Variants in UBA52 observed in about 807,000 individuals in gnomAD.
UBA52 encodes the protein ubiquitin-ribosomal protein eL40 fusion protein.
A neutral mutation model predicts 15.3 loss-of-function variants in UBA52; 1 was observed. That is an observed-to-expected ratio of 0.07 (90% CI 0.02 to 0.31). The LOEUF is 0.31. Among genes scored for constraint, UBA52 ranks in the 10% least tolerant of loss-of-function variants. The pLI is 1.00. For missense variants in UBA52, 87 were observed against 168.0 expected, an observed-to-expected ratio of 0.52 and a Z score of 2.66; for synonymous variants, 50 against 58.3, an observed-to-expected ratio of 0.86 and a Z score of 0.65.
upstream of UBA52, among the ~76,000 whole-genome samples, chr19:18,566,804 A>G (rs1015097860): frequency 1.3e-5 from 2 of 152,110 alleles, no homozygotes; most frequent in African/African-American, 4.8e-5. Context: ...AAAAAAAAAA[A>G]AAAATTTATC....
In UBA52 at chr19:18,575,045, G is replaced by A; in HGVS notation, c.294-12G>A. 5 of 1,614,174 alleles carry A rather than the reference G, an allele frequency of 3.1e-6. No homozygotes were observed. Among genetic ancestry groups the A allele is most frequent in the Non-Finnish European group, 4.2e-6 (5 of 1,180,030 alleles). ...GGGTATGCCCTCACCCACCCCTCCT[G>A]TCTCTGTGCAGGTGCTATGCTCGCC... On this transcript the variant is annotated splice_polypyrimidine_tract_variant and intron_variant, in intron 4 of 4. Coordinates refer to ENST00000442744, the MANE Select transcript of UBA52 (RefSeq NM_001033930.3).
upstream of UBA52, among the ~76,000 whole-genome samples, chr19:18,567,476 G>A (rs567191823): frequency 6.6e-6 from 1 of 152,306 alleles, no homozygotes; most frequent in East Asian, 1.9e-4. Flanking sequence ...AACAGAGCAC[G>A]GGCTCATGTG....
At chr19:18,568,795 G>A (rs1025863686), upstream of UBA52, 7 of 604,962 alleles carry the variant, frequency 1.2e-5, no homozygotes, top group Admixed American at 1.5e-4. Context: ...GGAATTCCTG[G>A]GGGGGTCTTT....
At chr19:18,573,184 T>C in intron 1 of UBA52, 109 bp from the exon 2 acceptor site, 3 of 1,183,964 alleles carry the variant, frequency 2.5e-6, no homozygotes, top group Non-Finnish European at 3.6e-6. Flanking sequence ...GCAGGACCAG[T>C]TGGACTTGGT....
At chr19:18,573,195 G>T in intron 1 of UBA52, 98 bp from the exon 2 acceptor site, 2 of 1,251,734 alleles carry the variant, frequency 1.6e-6, no homozygotes, top group Admixed American at 2.0e-5. Context: ...TGGACTTGGT[G>T]CAGGCAAAGG....
upstream of UBA52, chr19:18,568,625 C>T (rs147166153): frequency 4.8e-5 from 77 of 1,608,590 alleles, no homozygotes; most frequent in Non-Finnish European, 6.0e-5. Context: ...AGATGACGGG[C>T]GAATAGCCCT....
At chr19:18,565,170 A>G in the UBA52 span, 1 of 1,425,868 alleles carries the variant, frequency 7.0e-7, no homozygotes, top group South Asian at 1.6e-5. Flanking sequence ...GACAATTCCA[A>G]CCCTGGGATA....
intron 2 of UBA52, 51 bp downstream of exon 2, chr19:18,573,454 C>A: frequency 6.7e-7 from 1 of 1,503,120 alleles, no homozygotes; most frequent in Non-Finnish European, 9.2e-7. Context: ...GAGTCCCTCT[C>A]TGCCCAGGGG....
the UBA52 span, chr19:18,564,848 A>C: frequency 1.9e-6 from 3 of 1,612,802 alleles, no homozygotes; most frequent in Non-Finnish European, 2.5e-6. Context: ...AGTGAAGCTC[A>C]TGCCCTCTCT....
upstream of UBA52, among the ~76,000 whole-genome samples, chr19:18,571,128 T>C (rs1484824428): frequency 6.6e-6 from 1 of 150,392 alleles, no homozygotes; most frequent in East Asian, 2.0e-4. Context: ...CTGACCAACA[T>C]GGAGAAACCC....
chr19:18,568,774 C>T (rs1975386894), upstream of UBA52: 1 of 636,272 alleles, frequency 1.6e-6, no homozygotes, highest in Non-Finnish European at 2.7e-6. Flanking sequence ...AGGCTCTCTC[C>T]CGAGGGGTGT....
chr19:18,568,838 T>G, upstream of UBA52: 11 of 579,820 alleles, frequency 1.9e-5, no homozygotes, highest in Admixed American at 3.1e-5. Flanking sequence ...AGAACATCTC[T>G]ATTCTGCAAG....
At chr19:18,571,742 C>T (rs1257694015), upstream of UBA52, 1 of 152,302 alleles carries the variant, frequency 6.6e-6, no homozygotes, top group Non-Finnish European at 1.5e-5. Flanking sequence ...TCGCCAGCAT[C>T]CAAGATGGCG....
the UBA52 span, chr19:18,564,809 C>A: frequency 1.3e-6 from 2 of 1,592,830 alleles, no homozygotes; most frequent in South Asian, 1.1e-5. Context: ...GTCTTCTGGG[C>A]CAGGTTGGGC....
chr19:18,568,915 T>C (rs779772327), upstream of UBA52: 362 of 467,050 alleles, frequency 7.8e-4, 2 homozygotes, highest in Non-Finnish European at 1.4e-4. Context: ...AGGGGAATTT[T>C]TCCAGAGCTG....
At chr19:18,568,323 G>A, upstream of UBA52, 2 of 1,051,376 alleles carry the variant, frequency 1.9e-6, no homozygotes, top group Non-Finnish European at 2.9e-6. Context: ...GCAGCCGTTA[G>A]GGGTCACATG....
chr19:18,575,181 G>A lies in UBA52; in HGVS notation c.*31G>A, dbSNP rs750174827. The A allele has an allele frequency of 1.2e-6, 2 of 1,613,592 alleles. No individual in the cohort carries two copies. Among genetic ancestry groups the A allele is most frequent in the Admixed American group, 1.7e-5 (1 of 59,996 alleles). On this transcript the variant is annotated 3_prime_UTR_variant, in exon 5 of 5. Coordinates refer to ENST00000442744, the MANE Select transcript of UBA52 (RefSeq NM_001033930.3). Reference sequence around the variant, plus strand: ...TTCTTTCCTTGAAGGGCAGCCTCCTGCCCAGGCCCCGTGGCCCTGGAGCCT... The same window carrying A: ...TTCTTTCCTTGAAGGGCAGCCTCCTACCCAGGCCCCGTGGCCCTGGAGCCT...
chr19:18,568,389 C>T (rs986020428), upstream of UBA52: 1 of 1,604,834 alleles, frequency 6.2e-7, no homozygotes, highest in Non-Finnish European at 8.5e-7. Context: ...ACTCTTGGGC[C>T]TCCTTCCCCC....
At chr19:18,568,345 C>T (rs1468475), upstream of UBA52, 711,241 of 1,304,212 alleles carry the variant, frequency 0.55, 199,405 homozygotes, top group East Asian at 0.66. Context: ...ACAATAAGTC[C>T]TACATCACAG....
Sources: allele counts gnomAD v4.1 joint callset (sites outside exome capture counted in the v4.1 genomes callset), GRCh38; gene constraint gnomAD v4.1.1; transcripts MANE v1.5; gene names NCBI Gene and HGNC (gene_info 2026-07-23, HGNC 2026-07-21).